The following DNAH17 variants were observed in gnomAD, a reference collection of about 807,000 sequenced individuals.
DNAH17 encodes the protein dynein axonemal heavy chain 17, also known as axonemal beta dynein heavy chain 17.
DNAH17 carries 376 observed loss-of-function variants against 485.6 expected under a neutral mutation model. The ratio of observed to expected loss-of-function variants is 0.77; its 90% confidence interval spans 0.71 to 0.84. DNAH17 has a LOEUF of 0.84. Among genes scored for constraint, DNAH17 ranks in the 40% least tolerant of loss-of-function variants. The pLI, the probability that DNAH17 is intolerant of heterozygous loss-of-function variation, is 0.00. For missense variants in DNAH17, 6,370 were observed against 5,839.3 expected (o/e 1.09, Z -2.96); for synonymous variants, 3,031 against 2,405.9 (o/e 1.26, Z -7.60).
Position 78,539,752 on chromosome 17 carries a change from G to T in DNAH17, c.2661C>A (p.Asp887Glu), listed in dbSNP as rs370179299. 2 of 1,610,726 alleles carry T rather than the reference G, an allele frequency of 1.2e-6. No individual in the cohort carries two copies. The highest frequency in any genetic ancestry group is 3.4e-5 in the Admixed American group (2 of 59,694). ...FIRKSLSFLMDNMVIDESIAP... is the reference protein window; with the variant it reads ...FIRKSLSFLMENMVIDESIAP... ...GATAACTTACATCTATAACCATGTTGTCCATTAGGAAACTCAGAGATTTGC... is the reference window on the plus strand; with the variant it reads ...GATAACTTACATCTATAACCATGTTTTCCATTAGGAAACTCAGAGATTTGC... The change falls in exon 18 of 81, where the codon GAC (aspartate) becomes GAA (glutamate). Residue 887 changes from aspartate (D) to glutamate (E), a missense_variant. Transcript: ENST00000389840.
chr17:78,510,578 C>T lies in DNAH17; in HGVS notation c.4114-72G>A, dbSNP rs1056114988. 13 of 1,581,344 alleles carry T rather than the reference C, an allele frequency of 8.2e-6. No homozygotes were observed. The African/African-American group carries it at 1.5e-4, about 18-fold the overall frequency. On this transcript the variant is annotated intron_variant, in intron 26 of 80. Coordinates refer to ENST00000389840, the MANE Select transcript of DNAH17 (RefSeq NM_173628.4). ...TCTGCAGTGGGCAGACGTCATGATC[C>T]TTCATGGAGAGCCATTGCCGGGGCA...
rs537871773 is a variant in DNAH17, at chr17:78,571,776, G to A, written c.546C>T (p.Pro182=). The A allele has an allele frequency of 1.4e-5, 22 of 1,586,486 alleles. No individual in the cohort carries two copies. Among genetic ancestry groups the A allele is most frequent in the Non-Finnish European group, 1.8e-5 (21 of 1,165,494 alleles). Reference sequence around the variant, plus strand: ...GCAGGAGCAAGTTGTCCAGTGAAGAGGGGATCCTGCCCAGTGGAAGGTTGG... The same window carrying A: ...GCAGGAGCAAGTTGTCCAGTGAAGAAGGGATCCTGCCCAGTGGAAGGTTGG... ...DGTLESMERI[P]SSLDNLLLHA... The change falls in exon 4 of 81, where the codon CCC becomes CCT. Residue 182 remains proline, a synonymous_variant. Coordinates refer to ENST00000389840, the MANE Select transcript of DNAH17 (RefSeq NM_173628.4).
chr17:78,445,563 T>C lies in DNAH17; in HGVS notation c.11329A>G (p.Ile3777Val), dbSNP rs1187857973. The change falls in exon 70 of 81, where the codon ATC becomes GTC. Residue 3777 changes from isoleucine (I) to valine (V), a missense_variant. Transcript: ENST00000389840. Reference protein sequence around the residue: ...DFLQHQGWGGIKALSEMDEFK... With the variant: ...DFLQHQGWGGVKALSEMDEFK... ...TTCAACGTCTAAAGACGAACCTTGA[T>C]CCCGCCCCAGCCTTGATGCTGGAGG... The C allele has an allele frequency of 1.9e-6, 3 of 1,561,474 alleles. No individual in the cohort carries two copies. The Admixed American group carries it at 5.7e-5, about 30-fold the overall frequency.
At chr17:78,562,363 C>T (rs1461806325) in intron 11 of DNAH17, among the ~76,000 whole-genome samples, 1 of 152,086 alleles carries the variant, frequency 6.6e-6, no homozygotes, top group Admixed American at 6.5e-5. Context: ...GCGGGAGGGT[C>T]ACTTGAGCCC....
In DNAH17 at chr17:78,426,984, AT is replaced by A; in HGVS notation, c.12712del (p.Met4238Ter). On this transcript the variant is annotated frameshift_variant, in exon 78 of 81. Coordinates refer to ENST00000389840, the MANE Select transcript of DNAH17 (RefSeq NM_173628.4). LOFTEE classifies it high-confidence loss of function. Reference sequence around the variant, plus strand: ...GCGCATTTCGTTGGTCAGGATGTTCATTCTTTCACATTCTTGAAAGGCGACT... The same window carrying A: ...GCGCATTTCGTTGGTCAGGATGTTCATCTTTCACATTCTTGAAAGGCGACT... ...VVVAFQECER[M>X]NILTNEMRRS... 3.7e-6 allele frequency: 6 copies of A among 1,610,476 alleles called. No individual in the cohort carries two copies. Among genetic ancestry groups the A allele is most frequent in the Non-Finnish European group, 5.1e-6 (6 of 1,178,430 alleles).
chr17:78,467,152 C>T (rs558749732), intron 55 of DNAH17, among the ~76,000 whole-genome samples: 12 of 152,216 alleles, frequency 7.9e-5, no homozygotes, highest in South Asian at 4.1e-4. Flanking sequence ...CCAAGCCCTT[C>T]GGTTCAGCAG....
chr17:78,464,102 G>A (rs1598495382), intron 56 of DNAH17, among the ~76,000 whole-genome samples: 2 of 152,160 alleles, frequency 1.3e-5, no homozygotes, highest in African/African-American at 2.4e-5. Context: ...CTTAATAACT[G>A]GATATGTGTT....
At chr17:78,553,287 T>TG (rs2091946362) in intron 14 of DNAH17, among the ~76,000 whole-genome samples, 3 of 26,248 alleles carry the variant, frequency 1.1e-4, no homozygotes, top group African/African-American at 4.6e-4. Flanking sequence ...TTTTGTGTTT[T>TG]TTTTTTTTTT....
intron 14 of DNAH17, among the ~76,000 whole-genome samples, chr17:78,557,090 C>A (rs143729057): frequency 6.6e-6 from 1 of 152,208 alleles, no homozygotes; most frequent in African/African-American, 2.4e-5. Context: ...GCGTCAGGTC[C>A]CTAGATCAGA....
At chr17:78,493,429 T>C (rs1012830622) in intron 41 of DNAH17, among the ~76,000 whole-genome samples, 1 of 152,212 alleles carries the variant, frequency 6.6e-6, no homozygotes, top group African/African-American at 2.4e-5. Context: ...CAATCCTCCA[T>C]TCAGGGAAAA....
chr17:78,503,877 A>C (rs1387624746), intron 31 of DNAH17, among the ~76,000 whole-genome samples: 1 of 152,050 alleles, frequency 6.6e-6, no homozygotes, highest in Non-Finnish European at 1.5e-5. Flanking sequence ...TAGACAGGAG[A>C]ATCACTTGAA....
At chr17:78,553,397 G>A (rs1379384593) in intron 14 of DNAH17, among the ~76,000 whole-genome samples, 3 of 139,626 alleles carry the variant, frequency 2.1e-5, no homozygotes, top group East Asian at 4.7e-4. Flanking sequence ...TGCCTCCCGG[G>A]TTCAAGCAAT....
chr17:78,567,640 C>T (rs1384821929), intron 9 of DNAH17, among the ~76,000 whole-genome samples: 1 of 152,178 alleles, frequency 6.6e-6, no homozygotes, highest in East Asian at 1.9e-4. Context: ...AAGAAAGCGG[C>T]TGGAATGCTT....
chr17:78,426,562 G>T lies in DNAH17; in HGVS notation c.12810C>A (p.Ser4270=), dbSNP rs112017999. 2,368 of 1,613,226 alleles carry T rather than the reference G, an allele frequency of 1.5e-3. 5 individuals carry two copies. Among genetic ancestry groups the T allele is most frequent in the Non-Finnish European group, 1.8e-3 (2,159 of 1,179,418 alleles). ...GCACGGTGTCATAGAAGAGAGCCGT[G>T]GACAGATCTTCCACGTCGGTCGTGA... is the stretch of plus-strand genomic sequence containing the variant. ...LTITTDVEDL[S]TALFYDTVPD... Residue 4270 remains serine, a synonymous_variant, in exon 79 of 81, where the codon TCC becomes TCA. Coordinates refer to ENST00000389840, the MANE Select transcript of DNAH17 (RefSeq NM_173628.4).
At chr17:78,576,604 C>T (rs1238722383) in intron 1 of DNAH17, among the ~76,000 whole-genome samples, 1 of 152,068 alleles carries the variant, frequency 6.6e-6, no homozygotes, top group Non-Finnish European at 1.5e-5. Flanking sequence ...CGCGTCACGT[C>T]GTCATTTCCT....
At chr17:78,512,051 C>T (rs2090649025) in intron 26 of DNAH17, among the ~76,000 whole-genome samples, 2 of 152,178 alleles carry the variant, frequency 1.3e-5, no homozygotes, top group African/African-American at 2.4e-5. Flanking sequence ...GGGCCCTGGA[C>T]AGTGTGGTGG....
chr17:78,427,381 T>C (rs1370642187), intron 77 of DNAH17, among the ~76,000 whole-genome samples: 2 of 152,198 alleles, frequency 1.3e-5, no homozygotes, highest in Admixed American at 6.5e-5. Context: ...CGGTGCCTCA[T>C]TTGTTCATTC....
rs555299030 is a variant in DNAH17 at position 78,438,588 on chromosome 17, C to T, written c.11805+502G>A. On this transcript the variant is annotated intron_variant, in intron 73 of 80. Transcript: ENST00000389840. ...TCTTGGCTCACTGCAACCTCTGCCTCCCCGGGTTCAAGCGATTTTCCTGCC... is the reference window on the plus strand; with the variant it reads ...TCTTGGCTCACTGCAACCTCTGCCTTCCCGGGTTCAAGCGATTTTCCTGCC... 2.2e-3 allele frequency among the ~76,000 whole-genome samples: 332 copies of T among 149,846 alleles called. 1 individual carries two copies. The highest frequency in any genetic ancestry group is 7.9e-3 in the African/African-American group (321 of 40,616).
chr17:78,459,318 G>T (rs1030836293), intron 60 of DNAH17, 110 bp from the exon 61 acceptor site: 2 of 1,052,156 alleles, frequency 1.9e-6, no homozygotes, highest in African/African-American at 1.6e-5. Flanking sequence ...GAGGGGCAGC[G>T]CTGGGATTCA....
Sources: allele counts gnomAD v4.1 joint callset (sites outside exome capture counted in the v4.1 genomes callset), GRCh38; gene constraint gnomAD v4.1.1; transcripts MANE v1.5; gene names NCBI Gene and HGNC (gene_info 2026-07-23, HGNC 2026-07-21).